The following TOMM34 variants were observed in gnomAD, a reference collection of about 807,000 sequenced individuals.
The protein encoded by TOMM34 is mitochondrial import receptor subunit TOM34.
A neutral mutation model predicts 37.4 loss-of-function variants in TOMM34; 24 were observed. The ratio of observed to expected loss-of-function variants is 0.64; its 90% confidence interval spans 0.46 to 0.90. The LOEUF (loss-of-function observed/expected upper bound fraction) is 0.90, where lower values mean the gene tolerates loss of function less well. Among genes scored for constraint, TOMM34 ranks in the 40% least tolerant of loss-of-function variants. The pLI is 0.00. For missense variants in TOMM34, 304 were observed against 375.6 expected (o/e 0.81, Z 1.58); for synonymous variants, 154 against 148.9 (o/e 1.03, Z -0.25).
rs2066948720 is a variant in TOMM34, at chr20:44,943,047, C to G, written c.*62G>C. ...CTGGGTTTCAGGAGCGGGCACAGAG[C>G]AGGTGGCCCATGGCTTCTCTGGGTA... On this transcript the variant is annotated 3_prime_UTR_variant, in exon 7 of 7. Coordinates refer to ENST00000372813, the MANE Select transcript of TOMM34 (RefSeq NM_006809.5). 2 of 1,531,432 alleles carry G rather than the reference C, an allele frequency of 1.3e-6. No homozygotes were observed. Among genetic ancestry groups the G allele is most frequent in the Non-Finnish European group, 1.8e-6 (2 of 1,106,652 alleles). 94.9% of individuals were successfully genotyped at this position (1,531,432 alleles called of 1,614,324 possible).
chr20:44,946,267 A>G (rs558302071), intron 5 of TOMM34, among the ~76,000 whole-genome samples: 11 of 152,354 alleles, frequency 7.2e-5, no homozygotes, highest in Non-Finnish European at 1.6e-4. Flanking sequence ...ACTTCAGAAT[A>G]GAAATGTGAT....
At chr20:44,958,190 T>C (rs1375791647) in intron 1 of TOMM34, 1 of 362,116 alleles carries the variant, frequency 2.8e-6, no homozygotes, top group Non-Finnish European at 5.6e-6. Context: ...CCATTTTATG[T>C]CTATTAAAGC....
At chr20:44,951,619 C>G (rs571002137) in intron 4 of TOMM34, among the ~76,000 whole-genome samples, 1 of 152,342 alleles carries the variant, frequency 6.6e-6, no homozygotes, top group East Asian at 1.9e-4. Context: ...TTATGTCATT[C>G]AGTCCTCATG....
At chr20:44,956,190 A>T (rs2067071108) in intron 2 of TOMM34, among the ~76,000 whole-genome samples, 196 bp downstream of exon 2, 1 of 152,210 alleles carries the variant, frequency 6.6e-6, no homozygotes. Context: ...CCAAGACTCC[A>T]AAGATGCAAG....
chr20:44,943,497 C>G lies in TOMM34; in HGVS notation c.781G>C (p.Val261Leu). 1 of 1,614,062 alleles carries G rather than the reference C, an allele frequency of 6.2e-7. No individual in the cohort carries two copies. The highest frequency in any genetic ancestry group is 8.5e-7 in the Non-Finnish European group (1 of 1,179,948). The stretch of plus-strand genomic sequence containing the variant: ...TGAGCCCGTCTGTAGAATGCCTTCA[C>G]GTTCTTTCCATCCAGCTTGAGGGCT... ...TEALKLDGKN[V>L]KAFYRRAQAH... Residue 261 changes from valine to leucine, a missense_variant, in exon 6 of 7, where the codon GTG becomes CTG. Coordinates refer to ENST00000372813, the MANE Select transcript of TOMM34 (RefSeq NM_006809.5).
At chr20:44,956,140 G>T (rs1458864331) in intron 2 of TOMM34, among the ~76,000 whole-genome samples, 2 of 152,136 alleles carry the variant, frequency 1.3e-5, no homozygotes, top group Non-Finnish European at 2.9e-5. Context: ...TTTACGGCCT[G>T]CTTCTAACTG....
chr20:44,951,389 G>A (rs1375633325), intron 4 of TOMM34, among the ~76,000 whole-genome samples: 2 of 152,170 alleles, frequency 1.3e-5, no homozygotes, highest in Non-Finnish European at 2.9e-5. Flanking sequence ...AATGGAGTTA[G>A]TCTGTTAATA....
At chr20:44,953,196 T>C (rs1014663340) in intron 3 of TOMM34, among the ~76,000 whole-genome samples, 8 of 152,066 alleles carry the variant, frequency 5.3e-5, no homozygotes, top group African/African-American at 1.9e-4. Context: ...AATAAAACCA[T>C]ACTGGACACC....
chr20:44,945,561 G>A (rs892434738), intron 5 of TOMM34, among the ~76,000 whole-genome samples: 5 of 152,220 alleles, frequency 3.3e-5, no homozygotes, highest in Admixed American at 3.3e-4. Context: ...CTCTCAGGAA[G>A]CTCACAGCAG....
intron 2 of TOMM34, 163 bp from the exon 3 acceptor site, chr20:44,955,383 A>T: frequency 1.3e-6 from 1 of 772,850 alleles, no homozygotes; most frequent in Non-Finnish European, 2.1e-6. Flanking sequence ...GGGATTTTTC[A>T]ACGTAGACTG....
At chr20:44,957,000 G>A (rs1234044177) in intron 1 of TOMM34, among the ~76,000 whole-genome samples, 1 of 152,174 alleles carries the variant, frequency 6.6e-6, no homozygotes, top group Non-Finnish European at 1.5e-5. Flanking sequence ...GTTTTACCTG[G>A]TCAAGCCAGG....
intron 2 of TOMM34, among the ~76,000 whole-genome samples, chr20:44,955,917 G>A (rs1218645459): frequency 6.6e-6 from 1 of 152,204 alleles, no homozygotes; most frequent in Admixed American, 6.5e-5. Context: ...AAGAAAAAGA[G>A]ATATGAAACA....
At chr20:44,958,996 T>G (rs1483549224) in intron 1 of TOMM34, 1 of 151,106 alleles carries the variant, frequency 6.6e-6, no homozygotes, top group Non-Finnish European at 1.5e-5. Context: ...TGATTAAAAA[T>G]TTGGACTTAG....
At chr20:44,948,674 A>C in intron 5 of TOMM34, 56 bp downstream of exon 5, 2 of 1,599,544 alleles carry the variant, frequency 1.3e-6, no homozygotes, top group Non-Finnish European at 1.7e-6. Context: ...GTCCAAGAGA[A>C]GACTATGGAA....
intron 5 of TOMM34, among the ~76,000 whole-genome samples, chr20:44,946,384 T>C (rs778024040): frequency 6.6e-6 from 1 of 152,224 alleles, no homozygotes; most frequent in Non-Finnish European, 1.5e-5. Context: ...GAAGTAACTG[T>C]ATCCAGTCAG....
intron 5 of TOMM34, among the ~76,000 whole-genome samples, chr20:44,944,668 T>C (rs896836192): frequency 1.3e-5 from 2 of 152,144 alleles, no homozygotes; most frequent in South Asian, 2.1e-4. Flanking sequence ...CTGGGCAACA[T>C]AGGGAGACCC....
Position 44,955,129 on chromosome 20 carries a change from C to T in TOMM34, c.319G>A (p.Asp107Asn). 1 of 1,614,174 alleles carries T rather than the reference C, an allele frequency of 6.2e-7. No homozygotes were observed. The highest frequency in any genetic ancestry group is 8.5e-7 in the Non-Finnish European group (1 of 1,180,026). ...ALEKYPMAYVDYKTVLQIDDN... is the reference protein window; with the variant it reads ...ALEKYPMAYVNYKTVLQIDDN... Reference sequence around the variant, plus strand: ...TCAATCTGCAGCACAGTCTTATAGTCAACATAGGCCATAGGGTACTTCTCC... The same window carrying T: ...TCAATCTGCAGCACAGTCTTATAGTTAACATAGGCCATAGGGTACTTCTCC... The change falls in exon 3 of 7, where the codon GAC becomes AAC. Residue 107 changes from aspartate to asparagine, a missense_variant. Asp to Asn is a conservative substitution (Grantham distance 23). Transcript: ENST00000372813.
At chr20:44,955,014 A>T in intron 3 of TOMM34, 54 bp downstream of exon 3, 1 of 1,595,494 alleles carries the variant, frequency 6.3e-7, no homozygotes, top group Admixed American at 1.7e-5. Context: ...CCCGCAGCCA[A>T]TCAAGAAGGA....
chr20:44,943,387 A>T (rs1267789126), intron 6 of TOMM34, 66 bp downstream of exon 6: 1 of 1,610,798 alleles, frequency 6.2e-7, no homozygotes, highest in African/African-American at 1.3e-5. Context: ...TACACCCTGT[A>T]AATGGTGACA....
Sources: gnomAD v4.1 joint callset for allele counts (sites outside exome capture counted in the v4.1 genomes callset) on GRCh38, gnomAD v4.1.1 for gene constraint, MANE v1.5 for transcripts, NCBI Gene and HGNC (gene_info 2026-07-23, HGNC 2026-07-21) for gene names.